Variants in SGCD observed in about 807,000 individuals in gnomAD.
SGCD encodes the protein delta-sarcoglycan.
A neutral mutation model predicts 36.6 loss-of-function variants in SGCD; 18 were observed. That is an observed-to-expected ratio of 0.49 (90% CI 0.34 to 0.73). SGCD has a LOEUF of 0.73. Ranked by LOEUF, SGCD falls within the 30% of genes least tolerant of loss-of-function variation. The pLI is 0.01. For synonymous variants in SGCD, 133 were observed against 130.6 expected (o/e 1.02, Z -0.12); for missense variants, 387 against 346.7 (o/e 1.12, Z -0.92).
intron 1 of SGCD, among the ~76,000 whole-genome samples, chr5:156,014,482 A>G (rs548377253): frequency 6.6e-6 from 1 of 152,258 alleles, no homozygotes; most frequent in South Asian, 2.1e-4. Flanking sequence ...TTAATTTTTA[A>G]TATTTTTTCA....
chr5:156,088,941 G>A (rs550082437), intron 1 of SGCD, among the ~76,000 whole-genome samples: 1 of 152,184 alleles, frequency 6.6e-6, no homozygotes, highest in Admixed American at 6.5e-5. Flanking sequence ...ATGAATGAGA[G>A]GTCAGCATCT....
chr5:156,404,727 A>G (rs1269556995), intron 3 of SGCD, among the ~76,000 whole-genome samples: 1 of 152,228 alleles, frequency 6.6e-6, no homozygotes, highest in Non-Finnish European at 1.5e-5. Flanking sequence ...GTAACAACTG[A>G]GATAAATTTT....
chr5:156,534,192 A>G (rs371007864), intron 4 of SGCD, among the ~76,000 whole-genome samples: 1 of 139,134 alleles, frequency 7.2e-6, no homozygotes, highest in African/African-American at 2.7e-5. Context: ...TTTTTTTGGC[A>G]TGAAGATTTA....
chr5:156,282,118 C>A (rs1766469767), intron 3 of SGCD, among the ~76,000 whole-genome samples: 1 of 152,072 alleles, frequency 6.6e-6, no homozygotes. Context: ...GACTCCCTAA[C>A]ATAAACCAAT....
intron 3 of SGCD, among the ~76,000 whole-genome samples, chr5:156,459,468 A>G (rs1000960053): frequency 6.6e-5 from 10 of 152,172 alleles, no homozygotes; most frequent in Middle Eastern, 6.8e-3. Context: ...ACTATTTCCC[A>G]TTTTGCCTGT....
chr5:156,177,013 T>C (rs888217897), intron 3 of SGCD, among the ~76,000 whole-genome samples: 14 of 152,128 alleles, frequency 9.2e-5, no homozygotes, highest in Non-Finnish European at 1.8e-4. Context: ...TTTTTATTTA[T>C]TTTTTTGAAG....
chr5:156,309,775 C>T (rs184445279), intron 3 of SGCD, among the ~76,000 whole-genome samples: 2 of 151,938 alleles, frequency 1.3e-5, no homozygotes, highest in African/African-American at 4.8e-5. Flanking sequence ...TGTGAGCCAC[C>T]ACGCCCCACC....
chr5:156,338,734 C>G (rs1377183137), intron 2 of SGCD, among the ~76,000 whole-genome samples: 1 of 152,098 alleles, frequency 6.6e-6, no homozygotes, highest in African/African-American at 2.4e-5. Flanking sequence ...TAGCAGGCTT[C>G]TCAGACTGGT....
At chr5:156,312,568 A>T (rs148622822) in intron 3 of SGCD, among the ~76,000 whole-genome samples, 1 of 152,188 alleles carries the variant, frequency 6.6e-6, no homozygotes, top group Admixed American at 6.5e-5. Context: ...GAAGCAGTTT[A>T]GCATAGCAAT....
intron 7 of SGCD, among the ~76,000 whole-genome samples, chr5:156,746,718 G>T (rs1432885816): frequency 6.6e-6 from 1 of 152,078 alleles, no homozygotes; most frequent in African/African-American, 2.4e-5. Context: ...AATTCAAGAT[G>T]GATCATAAAT....
At chr5:156,379,662 G>A (rs1012154927) in intron 3 of SGCD, among the ~76,000 whole-genome samples, 4 of 135,112 alleles carry the variant, frequency 3.0e-5, no homozygotes, top group African/African-American at 9.9e-5. Context: ...CACAGCAGAA[G>A]GGGAGAGGGG....
At chr5:155,986,870 C>T (rs1289918475) in intron 1 of SGCD, among the ~76,000 whole-genome samples, 1 of 152,162 alleles carries the variant, frequency 6.6e-6, no homozygotes, top group Non-Finnish European at 1.5e-5. Context: ...CCATTTAAAA[C>T]GCCCTGCACT....
intron 1 of SGCD, among the ~76,000 whole-genome samples, chr5:155,973,902 T>C (rs1758054285): frequency 6.6e-6 from 1 of 152,212 alleles, no homozygotes; most frequent in Non-Finnish European, 1.5e-5. Flanking sequence ...CTGTGTGATC[T>C]GTTTTAACTC....
intron 1 of SGCD, among the ~76,000 whole-genome samples, chr5:156,114,581 G>A (rs1761865409): frequency 6.6e-6 from 1 of 152,048 alleles, no homozygotes; most frequent in Admixed American, 6.6e-5. Flanking sequence ...GGGTCAGAAA[G>A]GCTTTGCATA....
At position 156,495,958 on chromosome 5, in the gene SGCD, T is replaced by A. The variant is rs78607285; in HGVS notation, c.193-12643T>A. ...GCTGGCATTGGTTTTTATCCCTAAG[T>A]CCTTTCTGAATCTGAGTGCTCATTG... On this transcript the variant is annotated intron_variant, in intron 3 of 8. Transcript: ENST00000337851. Among the ~76,000 whole-genome samples the A allele has an allele frequency of 7.2e-5, 11 of 152,280 alleles. No individual in the cohort carries two copies. The East Asian group carries it at 1.9e-3, about 27-fold the overall frequency.
chr5:156,268,660 T>G (rs1201718493), intron 3 of SGCD, among the ~76,000 whole-genome samples: 1 of 152,130 alleles, frequency 6.6e-6, no homozygotes, highest in East Asian at 1.9e-4. Flanking sequence ...TGGTGCAACC[T>G]CGGCTCACTG....
chr5:156,165,130 C>T (rs976569201), intron 3 of SGCD, among the ~76,000 whole-genome samples: 1 of 152,070 alleles, frequency 6.6e-6, no homozygotes, highest in African/African-American at 2.4e-5. Context: ...GTAATGATAG[C>T]GAGGGCTGCA....
At chr5:156,514,276 A>G (rs1757064978) in intron 4 of SGCD, among the ~76,000 whole-genome samples, 1 of 152,238 alleles carries the variant, frequency 6.6e-6, no homozygotes, top group Non-Finnish European at 1.5e-5. Flanking sequence ...ATGCTTTTGC[A>G]TAACTTAATG....
At chr5:155,873,576 A>T (rs568184432) in intron 1 of SGCD, among the ~76,000 whole-genome samples, 8 of 152,156 alleles carry the variant, frequency 5.3e-5, no homozygotes, top group Non-Finnish European at 7.4e-5. Context: ...AATGGATACA[A>T]TGCACACTAT....
Sources: allele counts gnomAD v4.1 joint callset (sites outside exome capture counted in the v4.1 genomes callset), GRCh38; gene constraint gnomAD v4.1.1; transcripts MANE v1.5; gene names NCBI Gene and HGNC (gene_info 2026-07-23, HGNC 2026-07-21).